Variants in CCDC7 observed in about 807,000 individuals in gnomAD.
The protein encoded by CCDC7 is coiled-coil domain-containing protein 7.
In CCDC7, 183 loss-of-function variants were observed where a neutral mutation model predicts 196.9. That is an observed-to-expected ratio of 0.93 (90% CI 0.82 to 1.05). The LOEUF is 1.05. CCDC7 is among the 50% of genes least tolerant of loss of function. The probability of loss-of-function intolerance (pLI) is 0.00; values close to 1 mark genes in which losing one functional copy is unlikely to be tolerated. For missense variants in CCDC7, 1,540 were observed against 1,482.2 expected (o/e 1.04, Z -0.64); for synonymous variants, 525 against 484.6 (o/e 1.08, Z -1.10).
intron 39 of CCDC7, among the ~76,000 whole-genome samples, chr10:32,849,701 CAAAAAA>C (rs34677799): frequency 3.1e-4 from 25 of 80,820 alleles, no homozygotes; most frequent in African/African-American, 1.2e-3. Context: ...GACTCCGTCT[CAAAAAA>C]AAAAAAAAAA....
chr10:32,838,906 A>G (rs1469057313), intron 33 of CCDC7, among the ~76,000 whole-genome samples: 1 of 152,042 alleles, frequency 6.6e-6, no homozygotes, highest in Non-Finnish European at 1.5e-5. Flanking sequence ...TGAAGGAAAG[A>G]TACAGTCTTT....
chr10:32,810,898 C>A (rs1381306434), intron 30 of CCDC7, among the ~76,000 whole-genome samples: 2 of 151,840 alleles, frequency 1.3e-5, no homozygotes, highest in Non-Finnish European at 1.5e-5. Flanking sequence ...GGAAATTAAG[C>A]AAAGTGCTCA....
chr10:32,630,241 G>A (rs1256789410), intron 18 of CCDC7, among the ~76,000 whole-genome samples: 1 of 152,004 alleles, frequency 6.6e-6, no homozygotes, highest in African/African-American at 2.4e-5. Context: ...TGATTTAAGT[G>A]CCAAGCCCTA....
chr10:32,822,907 A>G (rs531460782), intron 31 of CCDC7, among the ~76,000 whole-genome samples: 3 of 152,210 alleles, frequency 2.0e-5, no homozygotes, highest in African/African-American at 7.2e-5. Context: ...TCTCCAGCAC[A>G]TAACTTTGTA....
chr10:32,720,937 G>T (rs954511837), intron 25 of CCDC7, among the ~76,000 whole-genome samples: 7 of 151,990 alleles, frequency 4.6e-5, no homozygotes, highest in Non-Finnish European at 7.4e-5. Context: ...ACAAAAAAAT[G>T]CAAAAATTAG....
chr10:32,772,237 G>C, intron 28 of CCDC7, among the ~76,000 whole-genome samples: 1 of 152,186 alleles, frequency 6.6e-6, no homozygotes, highest in East Asian at 1.9e-4. Context: ...CTATGCAGAA[G>C]AGTTTGTGCA....
chr10:32,773,220 T>C (rs1487716596), intron 28 of CCDC7, among the ~76,000 whole-genome samples: 1 of 152,212 alleles, frequency 6.6e-6, no homozygotes, highest in Non-Finnish European at 1.5e-5. Context: ...TGTCACCATG[T>C]TTGGGATAAT....
At chr10:32,567,548 A>C in intron 14 of CCDC7, 122 bp from the exon 16 acceptor site, 2 of 1,164,080 alleles carry the variant, frequency 1.7e-6, no homozygotes, top group Non-Finnish European at 2.4e-6. Context: ...TGCTCCCTTC[A>C]ACTCAGTAAA....
upstream of CCDC7, among the ~76,000 whole-genome samples, chr10:32,443,676 G>T (rs1052897648): frequency 1.3e-5 from 2 of 151,998 alleles, no homozygotes; most frequent in African/African-American, 4.8e-5. Context: ...GTCTAACTTC[G>T]TGTAATATAC....
intron 8 of CCDC7, among the ~76,000 whole-genome samples, chr10:32,486,946 T>C (rs528529535): frequency 3.3e-3 from 496 of 152,166 alleles, no homozygotes; most frequent in South Asian, 0.012. Context: ...ATTTCAACTT[T>C]GGTGAATCTG....
intron 6 of CCDC7, among the ~76,000 whole-genome samples, chr10:32,471,860 G>T (rs1324548624): frequency 6.6e-6 from 1 of 152,106 alleles, no homozygotes; most frequent in Non-Finnish European, 1.5e-5. Flanking sequence ...GCTCCTGGGG[G>T]TTGCATAAGT....
At chr10:32,571,168 C>G (rs1279449190) in intron 15 of CCDC7, among the ~76,000 whole-genome samples, 2 of 151,922 alleles carry the variant, frequency 1.3e-5, no homozygotes, top group African/African-American at 4.8e-5. Context: ...GCCACCATGC[C>G]CAGCTAATTT....
At chr10:32,619,639 TAGAC>T (rs1160728046) in intron 18 of CCDC7, among the ~76,000 whole-genome samples, 1 of 152,082 alleles carries the variant, frequency 6.6e-6, no homozygotes, top group Admixed American at 6.6e-5. Flanking sequence ...GATGCAAAAA[TAGAC>T]AGATAAATGA....
chr10:32,845,788 C>CACACACACACACACAT, intron 35 of CCDC7, 88 bp from the exon 37 acceptor site: 2 of 1,123,746 alleles, frequency 1.8e-6, no homozygotes, highest in Non-Finnish European at 2.7e-6. Context: ...CACACACACA[C>CACACACACACACACAT]ACACACATAC....
intron 8 of CCDC7, among the ~76,000 whole-genome samples, chr10:32,475,980 G>T (rs556798266): frequency 6.6e-6 from 1 of 152,018 alleles, no homozygotes; most frequent in Non-Finnish European, 1.5e-5. Flanking sequence ...CCCCATTCCC[G>T]CATAAAGCTT....
At chr10:32,863,721 T>C (rs2094096824) in intron 41 of CCDC7, among the ~76,000 whole-genome samples, 1 of 151,878 alleles carries the variant, frequency 6.6e-6, no homozygotes, top group Admixed American at 6.6e-5. Context: ...AATTGAACTT[T>C]TATCTTACAC....
chr10:32,640,452 C>G (rs977179054), intron 20 of CCDC7, among the ~76,000 whole-genome samples: 3 of 152,148 alleles, frequency 2.0e-5, no homozygotes, highest in Admixed American at 1.3e-4. Flanking sequence ...TGGGTCTTGA[C>G]TCTTTATCCA....
Position 32,703,633 on chromosome 10 carries a change from C to T in CCDC7, c.2459-7987C>T, listed in dbSNP as rs936936086. ...GTTTTCCAACTTGGTTCCATTCACC[C>T]CTTCACTTTAAGGTACACCAATCAG... On this transcript the variant is annotated intron_variant, in intron 24 of 41. Coordinates refer to ENST00000639629, the Ensembl canonical transcript of CCDC7. 3.9e-5 allele frequency among the ~76,000 whole-genome samples: 6 copies of T among 152,198 alleles called. No homozygotes were observed. The East Asian group carries it at 7.7e-4, about 20-fold the overall frequency.
chr10:32,524,910 G>A (rs936605036), intron 11 of CCDC7, among the ~76,000 whole-genome samples: 1 of 152,018 alleles, frequency 6.6e-6, no homozygotes, highest in Non-Finnish European at 1.5e-5. Flanking sequence ...CTGGAATGTT[G>A]ATATATTTCT....
Sources: gnomAD v4.1 joint callset for allele counts (sites outside exome capture counted in the v4.1 genomes callset) on GRCh38, gnomAD v4.1.1 for gene constraint, MANE v1.5 for transcripts, NCBI Gene and HGNC (gene_info 2026-07-23, HGNC 2026-07-21) for gene names.